MKLN1: variants seen among roughly 807,000 people sequenced by gnomAD.
The protein encoded by MKLN1 is muskelin.
A neutral mutation model predicts 99.0 loss-of-function variants in MKLN1; 18 were observed. That is an observed-to-expected ratio of 0.18 (90% confidence interval 0.13 to 0.27). MKLN1 has a LOEUF of 0.27. Among genes scored for constraint, MKLN1 ranks in the 10% least tolerant of loss-of-function variants. MKLN1 has a pLI of 1.00. For synonymous variants in MKLN1, 288 were observed against 293.2 expected, an observed-to-expected ratio of 0.98 and a Z score of 0.18; for missense variants, 621 against 875.9, an observed-to-expected ratio of 0.71 and a Z score of 3.67.
In MKLN1 at chr7:131,158,871, T is replaced by A. The variant is rs183078275; in HGVS notation, c.-297+15930T>A. On this transcript the variant is annotated intron_variant, in intron 2 of 7. Transcript: ENST00000416992. ...TGCATTGTCTGTGCTAGCCACTGTTTGGGGTGCTTGGAATCTAGCAGCATA... is the reference window on the plus strand; with the variant it reads ...TGCATTGTCTGTGCTAGCCACTGTTAGGGGTGCTTGGAATCTAGCAGCATA... 7.0e-4 allele frequency among the ~76,000 whole-genome samples: 107 copies of A among 152,320 alleles called. 3 individuals are homozygous for A. The highest frequency in any genetic ancestry group is 4.7e-3 in the Admixed American group (72 of 15,300).
chr7:131,432,009 C>A (rs1457325483), intron 9 of MKLN1, among the ~76,000 whole-genome samples: 1 of 152,160 alleles, frequency 6.6e-6, no homozygotes, highest in Non-Finnish European at 1.5e-5. Context: ...ACTTGCCAAG[C>A]AGAATTAAAA....
chr7:131,183,010 T>C (rs1796397537), intron 2 of MKLN1, among the ~76,000 whole-genome samples: 1 of 152,176 alleles, frequency 6.6e-6, no homozygotes, highest in African/African-American at 2.4e-5. Context: ...TGAGATGAAA[T>C]GCACTAGGGG....
At chr7:131,356,854 C>T (rs1480032702) in intron 1 of MKLN1, among the ~76,000 whole-genome samples, 1 of 152,106 alleles carries the variant, frequency 6.6e-6, no homozygotes, top group Non-Finnish European at 1.5e-5. Context: ...CAGTTCTTGC[C>T]TCCTCAGGAG....
At chr7:131,448,833 A>G (rs1423040927) in intron 12 of MKLN1, among the ~76,000 whole-genome samples, 1 of 152,232 alleles carries the variant, frequency 6.6e-6, no homozygotes, top group Non-Finnish European at 1.5e-5. Flanking sequence ...CATTAATAAT[A>G]TTTGTTGACC....
intron 2 of MKLN1, among the ~76,000 whole-genome samples, chr7:131,164,286 A>G (rs893162385): frequency 7.9e-5 from 12 of 152,016 alleles, no homozygotes; most frequent in Non-Finnish European, 1.6e-4. Context: ...TAATTTTTGT[A>G]TCTTTTTTGG....
chr7:131,155,450 G>C (rs895310945), intron 2 of MKLN1, among the ~76,000 whole-genome samples: 1 of 152,076 alleles, frequency 6.6e-6, no homozygotes, highest in African/African-American at 2.4e-5. Context: ...ATTAAGATCT[G>C]AATTTTTATA....
At chr7:131,124,518 G>A (rs1038473778) in intron 1 of MKLN1, among the ~76,000 whole-genome samples, 1 of 152,136 alleles carries the variant, frequency 6.6e-6, no homozygotes, top group East Asian at 1.9e-4. Context: ...TTAAACGCTG[G>A]CTCAGACTGG....
At chr7:131,215,579 C>T (rs1584841236) in intron 3 of MKLN1, among the ~76,000 whole-genome samples, 1 of 152,352 alleles carries the variant, frequency 6.6e-6, no homozygotes, top group East Asian at 1.9e-4. Flanking sequence ...ATCCTCCCAC[C>T]TCAGCCTTCC....
intron 3 of MKLN1, among the ~76,000 whole-genome samples, chr7:131,268,624 A>G (rs1797842414): frequency 6.6e-6 from 1 of 152,150 alleles, no homozygotes; most frequent in South Asian, 2.1e-4. Flanking sequence ...ATAACTGCAC[A>G]GGAGGACTGT....
At chr7:131,145,007 C>A (rs1407122005) in intron 2 of MKLN1, among the ~76,000 whole-genome samples, 1 of 152,006 alleles carries the variant, frequency 6.6e-6, no homozygotes, top group African/African-American at 2.4e-5. Flanking sequence ...ACAACAACAA[C>A]AACAACAACA....
intron 3 of MKLN1, among the ~76,000 whole-genome samples, chr7:131,318,829 A>G (rs1798718395): frequency 6.6e-6 from 1 of 152,268 alleles, no homozygotes; most frequent in South Asian, 2.1e-4. Context: ...CTATGCAAAT[A>G]AACTAGAAGA....
chr7:131,411,080 C>G (rs1366296858), intron 6 of MKLN1, among the ~76,000 whole-genome samples: 1 of 152,130 alleles, frequency 6.6e-6, no homozygotes, highest in Admixed American at 6.5e-5. Context: ...TGAGCTTCCC[C>G]TAAAGCAATT....
intron 1 of MKLN1, among the ~76,000 whole-genome samples, chr7:131,345,429 A>G (rs1350519445): frequency 6.6e-6 from 1 of 152,196 alleles, no homozygotes; most frequent in Non-Finnish European, 1.5e-5. Context: ...GGGTTTTCAG[A>G]TTCTCAAACT....
intron 3 of MKLN1, among the ~76,000 whole-genome samples, chr7:131,247,356 G>A (rs1384972342): frequency 1.3e-5 from 2 of 151,574 alleles, no homozygotes; most frequent in African/African-American, 2.4e-5. Flanking sequence ...TGGGATTACA[G>A]GCACACGCAC....
At chr7:131,389,051 T>G in intron 4 of MKLN1, 79 bp downstream of exon 4, 1 of 801,212 alleles carries the variant, frequency 1.2e-6, no homozygotes, top group Admixed American at 3.0e-5. Flanking sequence ...GACCAAATCC[T>G]GCAGGCCTCT....
rs1563226557 is a variant in MKLN1 at position 131,133,819 on chromosome 7, G to GTT, written c.-418-9001_-418-9000insTT. On this transcript the variant is annotated intron_variant, in intron 1 of 7. Coordinates refer to the MKLN1 transcript ENST00000416992. ...ACTTCTTTTTTTTTTTTTTTAATTT[G>GTT]GTTTTTTTTTTTTTTTTTTTTTTTT... Among the ~76,000 whole-genome samples, 61 of 67,226 alleles carry GTT rather than the reference G, an allele frequency of 9.1e-4. 6 individuals carry two copies. The highest frequency in any genetic ancestry group is 1.4e-3 in the African/African-American group (27 of 19,640). 44.1% of individuals were successfully genotyped at this position (67,226 alleles called of 152,430 possible). A position where few individuals can be genotyped will look rare whatever the true frequency, so the allele number is the denominator to read the frequency against.
At chr7:131,288,081 A>G (rs1256436638) in intron 3 of MKLN1, among the ~76,000 whole-genome samples, 1 of 152,164 alleles carries the variant, frequency 6.6e-6, no homozygotes, top group East Asian at 1.9e-4. Flanking sequence ...CAGTGGATTA[A>G]TACAAGCCCC....
intron 11 of MKLN1, among the ~76,000 whole-genome samples, chr7:131,445,461 C>A (rs889031370): frequency 1.3e-5 from 2 of 152,234 alleles, no homozygotes; most frequent in Middle Eastern, 6.8e-3. Context: ...CCCTCTCTCA[C>A]ATTCTCTTTC....
rs558525670 is a variant in MKLN1, at chr7:131,250,583, C to A, written c.-179+47609C>A. Among the ~76,000 whole-genome samples the A allele has an allele frequency of 3.3e-5, 5 of 152,180 alleles. No individual in the cohort carries two copies. The East Asian group carries it at 5.8e-4, about 18-fold the overall frequency. ...GTAGGAGGGCTGATCCATTCCAGAGCCTTGGGTCACAAGGCTGTGGTGGGC... is the reference window on the plus strand; with the variant it reads ...GTAGGAGGGCTGATCCATTCCAGAGACTTGGGTCACAAGGCTGTGGTGGGC... On this transcript the variant is annotated intron_variant, in intron 3 of 7. Coordinates refer to the MKLN1 transcript ENST00000416992.
Sources: allele counts gnomAD v4.1 joint callset (sites outside exome capture counted in the v4.1 genomes callset), GRCh38; gene constraint gnomAD v4.1.1; transcripts MANE v1.5; gene names NCBI Gene and HGNC (gene_info 2026-07-23, HGNC 2026-07-21).